DMD: variants seen among roughly 807,000 people sequenced by gnomAD.
DMD encodes the protein dystrophin.
DMD carries 63 observed loss-of-function variants against 330.1 expected under a neutral mutation model. The observed-to-expected ratio is 0.19, with a 90% CI of 0.16 to 0.24. The LOEUF is 0.24. Ranked by LOEUF, DMD falls within the 10% of genes least tolerant of loss-of-function variation. The pLI is 1.00. For missense variants in DMD, 3,344 were observed against 2,684.1 expected (o/e 1.25, Z -5.43); for synonymous variants, 1,223 against 959.8 (o/e 1.27, Z -5.07).
At chrX:31,906,382 G>C (rs2094479226) in intron 47 of DMD, among the ~76,000 whole-genome samples, 1 of 111,946 alleles carries the variant, frequency 8.9e-6, no homozygotes, top group Non-Finnish European at 1.9e-5. Flanking sequence ...TCTCATACCA[G>C]GTCTTGTAGA....
chrX:32,650,975 G>C (rs890456122), intron 9 of DMD, among the ~76,000 whole-genome samples: 1 of 111,520 alleles, frequency 9.0e-6, no homozygotes, highest in African/African-American at 3.3e-5. Context: ...AGAAAAATTA[G>C]ATGACTTGCC....
At chrX:31,981,930 C>A (rs1409322495) in intron 44 of DMD, among the ~76,000 whole-genome samples, 2 of 111,832 alleles carry the variant, frequency 1.8e-5, no homozygotes, top group Non-Finnish European at 3.8e-5. Context: ...GGGCAAATGT[C>A]ATCTCGATTT....
chrX:32,665,231 T>C (rs922642177), intron 9 of DMD, among the ~76,000 whole-genome samples: 1 of 111,817 alleles, frequency 8.9e-6, no homozygotes, highest in Non-Finnish European at 1.9e-5. Flanking sequence ...CAATATATTA[T>C]CAAACATGCT....
chrX:32,097,330 T>C (rs966137882), intron 44 of DMD, among the ~76,000 whole-genome samples: 1 of 111,068 alleles, frequency 9.0e-6, no homozygotes, highest in African/African-American at 3.3e-5. Context: ...AACTCCCAAT[T>C]ATGAGTGAGA....
intron 18 of DMD, among the ~76,000 whole-genome samples, chrX:32,510,691 G>A (rs1033239713): frequency 1.3e-4 from 14 of 111,253 alleles, no homozygotes; most frequent in African/African-American, 4.6e-4. Flanking sequence ...AATTCATAAC[G>A]AACTCTAATA....
intron 47 of DMD, among the ~76,000 whole-genome samples, chrX:31,878,554 A>G (rs2094003899): frequency 8.9e-6 from 1 of 112,107 alleles, no homozygotes; most frequent in Admixed American, 9.5e-5. Context: ...CTTCTGCACG[A>G]CCAAAAGAGC....
intron 50 of DMD, among the ~76,000 whole-genome samples, chrX:31,818,428 C>T (rs1348187435): frequency 1.8e-5 from 2 of 111,439 alleles, no homozygotes; most frequent in Non-Finnish European, 1.9e-5. Context: ...GTAAGTTACA[C>T]GTTAAATGGA....
chrX:31,760,604 C>T (rs1253438787), intron 51 of DMD, among the ~76,000 whole-genome samples: 8 of 111,508 alleles, frequency 7.2e-5, no homozygotes, highest in African/African-American at 2.6e-4. Flanking sequence ...TAGGATGTAC[C>T]ATCTAGGTTT....
chrX:31,872,367 A>C (rs1476608749), intron 48 of DMD, among the ~76,000 whole-genome samples: 2 of 111,440 alleles, frequency 1.8e-5, no homozygotes, highest in East Asian at 5.7e-4. Context: ...TTTCACTTCA[A>C]ACTGCAGGGA....
chrX:31,522,233 C>T (rs976213305), intron 55 of DMD, among the ~76,000 whole-genome samples: 4 of 104,490 alleles, frequency 3.8e-5, no homozygotes, highest in East Asian at 3.0e-4. Flanking sequence ...GAAGATAAGA[C>T]GAGATAAGAA....
chrX:32,180,175 T>A (rs2096922361), intron 44 of DMD, among the ~76,000 whole-genome samples: 1 of 112,058 alleles, frequency 8.9e-6, no homozygotes, highest in Non-Finnish European at 1.9e-5. Context: ...TGTAACTTGC[T>A]GGTATAAGAA....
chrX:31,577,181 G>A lies in DMD; in HGVS notation c.8217+50492C>T, dbSNP rs556951006. Among the ~76,000 whole-genome samples, 7 of 112,431 alleles carry A rather than the reference G, an allele frequency of 6.2e-5. No homozygotes were observed. The East Asian group carries it at 1.7e-3, about 27-fold the overall frequency. On this transcript the variant is annotated intron_variant, in intron 55 of 78. Coordinates refer to ENST00000357033, the MANE Select transcript of DMD (RefSeq NM_004006.3). ...ATTATTAATTTTTACAAAATGTATTGCAATCACATTAATCGCAACCATATA... is the reference window on the plus strand; with the variant it reads ...ATTATTAATTTTTACAAAATGTATTACAATCACATTAATCGCAACCATATA...
rs767119849 is a variant in DMD, at chrX:33,061,552, T to C, written c.32-41352A>G. Among the ~76,000 whole-genome samples the C allele has an allele frequency of 2.2e-4, 24 of 111,595 alleles. 1 individual carries two copies. The highest frequency in any genetic ancestry group is 4.1e-4 in the Non-Finnish European group (22 of 53,206). Reference sequence around the variant, plus strand: ...TATTCAGTTCTCCCCGATGCCTTAATCTGGGTGTTGTTTTTGCAGTGGTTA... The same window carrying C: ...TATTCAGTTCTCCCCGATGCCTTAACCTGGGTGTTGTTTTTGCAGTGGTTA... On this transcript the variant is annotated intron_variant, in intron 1 of 78. Transcript: ENST00000357033.
chrX:33,148,131 T>C (rs1173532151), intron 1 of DMD, among the ~76,000 whole-genome samples: 2 of 112,259 alleles, frequency 1.8e-5, no homozygotes, highest in African/African-American at 6.5e-5. Context: ...TTGGTTTGAT[T>C]ACCATTTCAA....
At chrX:32,199,461 A>C in intron 44 of DMD, among the ~76,000 whole-genome samples, 1 of 111,007 alleles carries the variant, frequency 9.0e-6, no homozygotes, top group South Asian at 3.9e-4. Context: ...GAGGATGTGC[A>C]GTCTGATGAC....
At chrX:32,153,642 G>A (rs912330551) in intron 44 of DMD, among the ~76,000 whole-genome samples, 2 of 111,715 alleles carry the variant, frequency 1.8e-5, no homozygotes, top group Admixed American at 1.9e-4. Context: ...CTATCCTAAG[G>A]AATTCAGAGC....
chrX:33,188,004 C>T (rs1339119289), intron 1 of DMD, among the ~76,000 whole-genome samples: 3 of 111,225 alleles, frequency 2.7e-5, no homozygotes, highest in African/African-American at 6.5e-5. Context: ...AACTGTATAG[C>T]GTGTGGTATG....
chrX:31,165,331 TA>T (rs1283637577), intron 74 of DMD, among the ~76,000 whole-genome samples: 4 of 112,151 alleles, frequency 3.6e-5, no homozygotes, highest in African/African-American at 1.3e-4. Context: ...AGGTCCTGAG[TA>T]GGTATTAAGA....
chrX:32,426,209 G>A (rs2098212100), intron 29 of DMD, among the ~76,000 whole-genome samples: 1 of 111,561 alleles, frequency 9.0e-6, no homozygotes, highest in South Asian at 3.7e-4. Context: ...ACTACAGAAC[G>A]GGAGAAATAT....
Sources: gnomAD v4.1 joint callset for allele counts (sites outside exome capture counted in the v4.1 genomes callset) on GRCh38, gnomAD v4.1.1 for gene constraint, MANE v1.5 for transcripts, NCBI Gene and HGNC (gene_info 2026-07-23, HGNC 2026-07-21) for gene names.